DPP6: variants seen among roughly 807,000 people sequenced by gnomAD.
DPP6 encodes the protein A-type potassium channel modulatory protein DPP6.
In DPP6, 69 loss-of-function variants were observed where a neutral mutation model predicts 122.6. That is an observed-to-expected ratio of 0.56 (90% confidence interval 0.46 to 0.69). The LOEUF is 0.69. DPP6 is among the 30% of genes least tolerant of loss of function. The pLI, the probability that DPP6 is intolerant of heterozygous loss-of-function variation, is 0.00. For synonymous variants in DPP6, 418 were observed against 433.1 expected (o/e 0.97, Z 0.43); for missense variants, 928 against 1,116.9 (o/e 0.83, Z 2.41).
chr7:153,850,647 G>A, the DPP6 span, among the ~76,000 whole-genome samples: 2 of 152,172 alleles, frequency 1.3e-5, no homozygotes, highest in Admixed American at 1.3e-4. Context: ...TGGCTGGGGA[G>A]TCCTCACAAT....
intron 5 of DPP6, among the ~76,000 whole-genome samples, chr7:154,579,956 AG>A (rs1185081196): frequency 2.6e-5 from 4 of 151,998 alleles, no homozygotes; most frequent in Non-Finnish European, 4.4e-5. Context: ...GAGAGAGCAC[AG>A]AAGAGAGAGA....
intron 1 of DPP6, among the ~76,000 whole-genome samples, chr7:154,024,078 C>T (rs1563110099): frequency 1.3e-5 from 2 of 152,148 alleles, no homozygotes; most frequent in African/African-American, 4.8e-5. Flanking sequence ...ATTTATCCTA[C>T]AGGCTGCATA....
the DPP6 span, among the ~76,000 whole-genome samples, chr7:153,837,154 T>G: frequency 3.9e-5 from 6 of 152,200 alleles, no homozygotes; most frequent in African/African-American, 1.4e-4. Flanking sequence ...TAAATAGGAT[T>G]CTCCTTCAAG....
chr7:154,127,354 A>G (rs1807962207), intron 1 of DPP6, among the ~76,000 whole-genome samples: 1 of 152,190 alleles, frequency 6.6e-6, no homozygotes, highest in Non-Finnish European at 1.5e-5. Context: ...AGGTACAGAT[A>G]AGAGGCATTT....
intron 10 of DPP6, among the ~76,000 whole-genome samples, chr7:154,779,118 C>G (rs796793968): frequency 2.7e-5 from 1 of 36,716 alleles, no homozygotes; most frequent in Non-Finnish European, 6.3e-5. Flanking sequence ...CCCACCATCA[C>G]CACCACTATC....
intron 1 of DPP6, among the ~76,000 whole-genome samples, chr7:153,926,525 A>G (rs906839038): frequency 6.6e-6 from 1 of 152,128 alleles, no homozygotes; most frequent in African/African-American, 2.4e-5. Context: ...TGTTTTATTT[A>G]GATGGTACAG....
Position 154,689,284 on chromosome 7 carries a change from C to T in DPP6, c.762+19843C>T, listed in dbSNP as rs371057103. Among the ~76,000 whole-genome samples the T allele has an allele frequency of 2.6e-4, 39 of 152,208 alleles. No individual in the cohort carries two copies. The South Asian group carries it at 2.9e-3, about 11-fold the overall frequency. ...AGGCCATTTCTATTTCTAGTTTGCA[C>T]GATTTATTTGGGAATGACCTCGGTC... is the stretch of plus-strand genomic sequence containing the variant. On this transcript the variant is annotated intron_variant, in intron 7 of 25. Transcript: ENST00000377770.
chr7:153,906,310 A>G (rs1196914409), intron 1 of DPP6, among the ~76,000 whole-genome samples: 1 of 152,094 alleles, frequency 6.6e-6, no homozygotes, highest in Non-Finnish European at 1.5e-5. Context: ...TAGACTGTAC[A>G]TTGTACCCAC....
At chr7:154,053,226 C>A (rs1800529337) in intron 1 of DPP6, among the ~76,000 whole-genome samples, 163 bp downstream of exon 1, 1 of 40 alleles carries the variant, frequency 0.025, no homozygotes, top group Non-Finnish European at 0.05. Context: ...CGCCAGATCG[C>A]GGTCACCGCG....
intron 1 of DPP6, among the ~76,000 whole-genome samples, chr7:154,219,898 T>C (rs888507886): frequency 1.3e-5 from 2 of 152,234 alleles, no homozygotes; most frequent in Non-Finnish European, 2.9e-5. Flanking sequence ...GCTTGCCTAC[T>C]TTATTAAGCA....
chr7:154,305,632 GAGAC>G, intron 1 of DPP6: 1 of 1,516,066 alleles, frequency 6.6e-7, no homozygotes, highest in Non-Finnish European at 8.9e-7. Context: ...GAGAGAGACA[GAGAC>G]AGAGAGGGAG....
intron 1 of DPP6, among the ~76,000 whole-genome samples, chr7:153,992,781 C>G (rs1329025360): frequency 6.6e-6 from 1 of 152,194 alleles, no homozygotes; most frequent in African/African-American, 2.4e-5. Flanking sequence ...TGCTCTTCCT[C>G]CAAAAAAGCT....
chr7:153,894,623 G>C (rs1462465629), intron 1 of DPP6, among the ~76,000 whole-genome samples: 2 of 152,114 alleles, frequency 1.3e-5, no homozygotes, highest in African/African-American at 4.8e-5. Context: ...GGAATGTTTG[G>C]TTAAGTGTAG....
At chr7:153,805,046 A>G in the DPP6 span, among the ~76,000 whole-genome samples, 1 of 152,186 alleles carries the variant, frequency 6.6e-6, no homozygotes. Context: ...GAATGCAGAA[A>G]CAAGTTTATT....
chr7:154,670,049 A>G (rs1348758364), intron 7 of DPP6, among the ~76,000 whole-genome samples: 1 of 152,100 alleles, frequency 6.6e-6, no homozygotes, highest in Non-Finnish European at 1.5e-5. Context: ...TAGTAGAGAC[A>G]GGGTTTCACT....
intron 1 of DPP6, among the ~76,000 whole-genome samples, chr7:153,955,144 A>T (rs1802401816): frequency 6.6e-6 from 1 of 152,212 alleles, no homozygotes; most frequent in African/African-American, 2.4e-5. Flanking sequence ...GTTATAGATA[A>T]GATGGAGGAA....
intron 1 of DPP6, among the ~76,000 whole-genome samples, chr7:153,964,556 C>T (rs1269511448): frequency 6.6e-6 from 1 of 152,194 alleles, no homozygotes; most frequent in East Asian, 1.9e-4. Flanking sequence ...CCCAAGTCTG[C>T]ACCCACTACC....
intron 4 of DPP6, among the ~76,000 whole-genome samples, chr7:154,562,846 C>G (rs192413991): frequency 9.9e-4 from 150 of 152,186 alleles, no homozygotes; most frequent in Middle Eastern, 3.4e-3. Context: ...TACAAAGCAT[C>G]AATTATAGTA....
At chr7:154,576,395 A>G (rs1234158618) in intron 5 of DPP6, among the ~76,000 whole-genome samples, 2 of 152,032 alleles carry the variant, frequency 1.3e-5, no homozygotes, top group African/African-American at 4.8e-5. Flanking sequence ...AGTCCCTTCC[A>G]AATTCAGGGC....
Sources: allele counts gnomAD v4.1 joint callset (sites outside exome capture counted in the v4.1 genomes callset), GRCh38; gene constraint gnomAD v4.1.1; transcripts MANE v1.5; gene names NCBI Gene and HGNC (gene_info 2026-07-23, HGNC 2026-07-21).